AOX1: variants seen among roughly 807,000 people sequenced by gnomAD.
AOX1 encodes aldehyde oxidase.
A neutral mutation model predicts 169.5 loss-of-function variants in AOX1; 153 were observed. The observed-to-expected ratio is 0.90, with a 90% CI of 0.79 to 1.03. The LOEUF (loss-of-function observed/expected upper bound fraction) is 1.03. Ranked by LOEUF, AOX1 falls within the 50% of genes least tolerant of loss-of-function variation. AOX1 has a pLI of 0.00. For missense variants in AOX1, 1,656 were observed against 1,663.9 expected, an observed-to-expected ratio of 1.00 and a Z score of 0.08; for synonymous variants, 562 against 581.9, an observed-to-expected ratio of 0.97 and a Z score of 0.49.
At chr2:200,643,488 T>G (rs906920906) in intron 25 of AOX1, among the ~76,000 whole-genome samples, 4 of 152,178 alleles carry the variant, frequency 2.6e-5, no homozygotes, top group African/African-American at 9.7e-5. Flanking sequence ...TTCCAAGATT[T>G]TGTTATTGTG....
In AOX1 at chr2:200,602,317, T is replaced by G; in HGVS notation, c.470T>G (p.Ile157Arg). 6.2e-6 allele frequency: 10 copies of G among 1,613,968 alleles called. No individual in the cohort carries two copies. The highest frequency in any genetic ancestry group is 6.8e-6 in the Non-Finnish European group (8 of 1,179,942). ...TGCCGTTGCACTGGATACAGGCCCA[T>G]AATTGATGCATGCAAGACTTTCTGT... is the stretch of plus-strand genomic sequence containing the variant. ...NLCRCTGYRP[I>R]IDACKTFCKT... is the part of the protein sequence containing the mutation. Residue 157 changes from isoleucine to arginine, a missense_variant, in exon 6 of 35, where the codon ATA becomes AGA. Physicochemically the swap from Ile to Arg is moderately conservative, Grantham distance 97. Transcript: ENST00000374700.
chr2:200,607,341 C>T (rs934402472), intron 10 of AOX1, among the ~76,000 whole-genome samples: 1 of 152,076 alleles, frequency 6.6e-6, no homozygotes, highest in Non-Finnish European at 1.5e-5. Context: ...CCAACTTGAT[C>T]GTGGTGGATA....
At chr2:200,669,376 G>A (rs1294214281) in intron 33 of AOX1, among the ~76,000 whole-genome samples, 199 bp from the exon 34 acceptor site, 1 of 152,008 alleles carries the variant, frequency 6.6e-6, no homozygotes, top group Non-Finnish European at 1.5e-5. Context: ...CCTGGGAGGC[G>A]GAGGTTGCAG....
chr2:200,664,206 T>C (rs2035884605), intron 31 of AOX1, among the ~76,000 whole-genome samples: 1 of 152,212 alleles, frequency 6.6e-6, no homozygotes, highest in Non-Finnish European at 1.5e-5. Context: ...CTTACTGCAA[T>C]CTCTGCCTCC....
intron 26 of AOX1, among the ~76,000 whole-genome samples, chr2:200,654,764 T>G (rs546898715): frequency 6.6e-6 from 1 of 152,374 alleles, no homozygotes; most frequent in South Asian, 2.1e-4. Flanking sequence ...CCTCTACTTA[T>G]GTTGGAGGAC....
intron 13 of AOX1, 63 bp from the exon 14 acceptor site, chr2:200,612,546 G>C: frequency 6.5e-7 from 1 of 1,540,924 alleles, no homozygotes; most frequent in Non-Finnish European, 8.9e-7. Flanking sequence ...AAGACACACA[G>C]ACTGCCCAGT....
Position 200,623,958 on chromosome 2 carries a change from T to C in AOX1, c.2099T>C (p.Leu700Ser). 6.2e-7 allele frequency: 1 copy of C among 1,614,136 alleles called. No individual in the cohort carries two copies. The highest frequency in any genetic ancestry group is 8.5e-7 in the Non-Finnish European group (1 of 1,179,978). The change falls in exon 19 of 35, where the codon TTG becomes TCG. Residue 700 changes from leucine (L) to serine (S), a missense_variant. By Grantham distance (145) the Leu-to-Ser change is moderately radical (BLOSUM62 -2). Coordinates refer to ENST00000374700, the MANE Select transcript of AOX1 (RefSeq NM_001159.4). The part of the protein sequence containing the change: ...AKRVKIVYQD[L>S]EPLILTIEES... The stretch of plus-strand genomic sequence containing the variant: ...CGAGTGAAGATTGTCTATCAAGACT[T>C]GGAGCCGCTGATACTAACAATTGAG...
chr2:200,602,508 A>G (rs2293524), intron 6 of AOX1, among the ~76,000 whole-genome samples, 163 bp downstream of exon 6: 33,852 of 151,622 alleles, frequency 0.22, 3,978 homozygotes, highest in Middle Eastern at 0.3. Context: ...AGGGCACTTA[A>G]CCTCATTCAT....
At chr2:200,667,059 T>C (rs2287007) in intron 32 of AOX1, among the ~76,000 whole-genome samples, 7,288 of 152,254 alleles carry the variant, frequency 0.048, 301 homozygotes, top group East Asian at 0.23. Context: ...TAGTGCCCAG[T>C]GCTGAGCCTT....
At chr2:200,647,295 C>A (rs990473904) in intron 25 of AOX1, among the ~76,000 whole-genome samples, 3 of 152,196 alleles carry the variant, frequency 2.0e-5, no homozygotes, top group Admixed American at 2.0e-4. Flanking sequence ...ATGGTGAATT[C>A]TCTCAGCATT....
intron 7 of AOX1, 67 bp from the exon 8 acceptor site, chr2:200,603,950 G>T: frequency 1.8e-6 from 2 of 1,083,404 alleles, no homozygotes; most frequent in South Asian, 2.6e-5. Context: ...TATATCTTTT[G>T]ACCTTATTCC....
chr2:200,650,684 T>C (rs114626936), intron 25 of AOX1, among the ~76,000 whole-genome samples: 190 of 152,312 alleles, frequency 1.2e-3, no homozygotes, highest in Middle Eastern at 6.8e-3. Context: ...GAGTCTACAG[T>C]GTACATGGAC....
intron 20 of AOX1, among the ~76,000 whole-genome samples, chr2:200,629,688 C>G (rs2035075134): frequency 6.6e-6 from 1 of 152,164 alleles, no homozygotes; most frequent in Non-Finnish European, 1.5e-5. Context: ...GGGTACATTT[C>G]TATCATAGAG....
intron 20 of AOX1, among the ~76,000 whole-genome samples, chr2:200,628,575 C>T (rs370362721): frequency 2.0e-5 from 3 of 152,120 alleles, no homozygotes; most frequent in Non-Finnish European, 2.9e-5. Context: ...AGAAATCATC[C>T]GGCATTATCT....
At chr2:200,654,685 G>A (rs1001808968) in intron 26 of AOX1, among the ~76,000 whole-genome samples, 17 of 152,164 alleles carry the variant, frequency 1.1e-4, no homozygotes, top group African/African-American at 3.1e-4. Flanking sequence ...GGGAATCTGC[G>A]GGTTTGAAGC....
Position 200,659,151 on chromosome 2 carries a change from C to T in AOX1, c.3172-14C>T. On this transcript the variant is annotated splice_polypyrimidine_tract_variant and intron_variant, in intron 27 of 34. Transcript: ENST00000374700. ...ATCAAAGTGTTTAAAAGGAAACTCT[C>T]TCTTAAAATTCAGGTGGTCAGCCGT... 1 of 1,612,738 alleles carries T rather than the reference C, an allele frequency of 6.2e-7. No individual in the cohort carries two copies.
intron 25 of AOX1, among the ~76,000 whole-genome samples, chr2:200,650,421 C>A (rs2035558766): frequency 6.6e-6 from 1 of 152,100 alleles, no homozygotes; most frequent in African/African-American, 2.4e-5. Flanking sequence ...TACTTGGCAC[C>A]TTTTATTCTC....
chr2:200,626,263 C>T (rs760326001), intron 19 of AOX1, among the ~76,000 whole-genome samples: 2 of 152,206 alleles, frequency 1.3e-5, no homozygotes, highest in Non-Finnish European at 2.9e-5. Flanking sequence ...TGGGCCCCAC[C>T]GGTGCTATAA....
rs535273831 is a variant in AOX1, at chr2:200,641,388, G to A, written c.2655+204G>A. 1.1e-4 allele frequency among the ~76,000 whole-genome samples: 17 copies of A among 152,104 alleles called. No individual in the cohort carries two copies. In the East Asian group the frequency reaches 1.5e-3, roughly 14 times the overall value. On this transcript the variant is annotated intron_variant, in intron 24 of 34. Transcript: ENST00000374700. ...AAGTTGCATCTGTGTGTTACCCCCC[G>A]GCTTCCCATACTTAGAGCTCTTTTC...
Sources: gnomAD v4.1 joint callset for allele counts (sites outside exome capture counted in the v4.1 genomes callset) on GRCh38, gnomAD v4.1.1 for gene constraint, MANE v1.5 for transcripts, NCBI Gene and HGNC (gene_info 2026-07-23, HGNC 2026-07-21) for gene names.